Variants in SMCHD1 observed in about 807,000 individuals in gnomAD.
SMCHD1 encodes the protein structural maintenance of chromosomes flexible hinge domain containing 1.
Under a neutral mutation model 254.7 loss-of-function variants are expected in SMCHD1, and 78 were observed. That is an observed-to-expected ratio of 0.31 (90% CI 0.26 to 0.37). The LOEUF is 0.37. Ranked by LOEUF, SMCHD1 falls within the 10% of genes least tolerant of loss-of-function variation. SMCHD1 has a pLI of 1.00. For missense variants in SMCHD1, 1,840 were observed against 2,408.1 expected (o/e 0.76, Z 4.94); for synonymous variants, 766 against 794.9 (o/e 0.96, Z 0.61).
intron 24 of SMCHD1, among the ~76,000 whole-genome samples, chr18:2,731,049 A>C (rs531827938): frequency 6.6e-6 from 1 of 152,348 alleles, no homozygotes; most frequent in East Asian, 1.9e-4. Flanking sequence ...AACAAATGCC[A>C]ACGTAAATCC....
chr18:2,798,907 T>C (rs1776102056), intron 47 of SMCHD1, among the ~76,000 whole-genome samples: 1 of 152,220 alleles, frequency 6.6e-6, no homozygotes, highest in South Asian at 2.1e-4. Flanking sequence ...TGCCACAGTC[T>C]CAGCACTAAA....
chr18:2,785,150 TC>T, intron 45 of SMCHD1, among the ~76,000 whole-genome samples: 1 of 152,086 alleles, frequency 6.6e-6, no homozygotes, highest in Non-Finnish European at 1.5e-5. Context: ...AATATAATTG[TC>T]CCTGCACGTC....
chr18:2,789,081 A>G (rs879555353), intron 45 of SMCHD1, among the ~76,000 whole-genome samples: 20 of 152,138 alleles, frequency 1.3e-4, no homozygotes, highest in Admixed American at 2.6e-4. Flanking sequence ...GTGCAGTGGC[A>G]CAATCATGGC....
At chr18:2,747,923 T>A (rs2075487201) in intron 30 of SMCHD1, among the ~76,000 whole-genome samples, 1 of 152,122 alleles carries the variant, frequency 6.6e-6, no homozygotes, top group Non-Finnish European at 1.5e-5. Flanking sequence ...CAGATTAGGA[T>A]GAATAAATAG....
At chr18:2,737,342 G>A (rs959309423) in intron 25 of SMCHD1, among the ~76,000 whole-genome samples, 7 of 152,196 alleles carry the variant, frequency 4.6e-5, no homozygotes, top group African/African-American at 1.4e-4. Flanking sequence ...ATTTATCCAT[G>A]TAACAAACTT....
At chr18:2,711,479 G>GTA in intron 17 of SMCHD1, among the ~76,000 whole-genome samples, 1 of 103,822 alleles carries the variant, frequency 9.6e-6, no homozygotes, top group Admixed American at 1.0e-4. Context: ...TTGGATGTTT[G>GTA]TCTTTTTTTT....
In SMCHD1 at chr18:2,718,641, C is replaced by T. The variant is rs188173426; in HGVS notation, c.2458+207C>T. 4.6e-3 allele frequency among the ~76,000 whole-genome samples: 703 copies of T among 152,200 alleles called. 2 individuals are homozygous for T. Among genetic ancestry groups the T allele is most frequent in the African/African-American group, 0.016 (654 of 41,504 alleles). ...CACAATCTCGGCTCACTGCAACCTC[C>T]GCTTCCTGGGTTCAAGTGATTTTCC... On this transcript the variant is annotated intron_variant, in intron 19 of 47. Transcript: ENST00000320876. This position sits in a 1 kb window ranked among gnomAD's most constrained non-coding sequence, Gnocchi z 4.6.
intron 7 of SMCHD1, among the ~76,000 whole-genome samples, chr18:2,689,308 CCCAGGTTCAAGATATTCT>C (rs943674844): frequency 6.7e-6 from 1 of 149,570 alleles, no homozygotes; most frequent in African/African-American, 2.5e-5. Flanking sequence ...ACCTCCACCT[CCCAGGTTCAAGATATTCT>C]CCTGCCTCAG....
chr18:2,757,219 T>C (rs1334586580), intron 34 of SMCHD1, among the ~76,000 whole-genome samples: 2 of 152,188 alleles, frequency 1.3e-5, no homozygotes, highest in African/African-American at 4.8e-5. Context: ...TTTTTCTTTT[T>C]TCTTTTTTTG....
At chr18:2,781,407 G>A (rs925005531) in intron 44 of SMCHD1, among the ~76,000 whole-genome samples, 10 of 152,212 alleles carry the variant, frequency 6.6e-5, no homozygotes, top group African/African-American at 2.4e-4. Flanking sequence ...TTGGTTTCAT[G>A]TGCTGGACTA....
At chr18:2,763,868 T>A in intron 37 of SMCHD1, 79 bp downstream of exon 37, 4 of 1,307,320 alleles carry the variant, frequency 3.1e-6, no homozygotes, top group Non-Finnish European at 4.3e-6. Flanking sequence ...ACCTTTTCTT[T>A]TGTATAGCTA....
chr18:2,771,548 C>A lies in SMCHD1; in HGVS notation c.4982C>A (p.Ala1661Glu). Reference sequence around the variant, plus strand: ...TTTATTTTAGGTCAAGTTGAAGAAGCAAGATTAAAAGAGGCCCAATTGCGA... The same window carrying A: ...TTTATTTTAGGTCAAGTTGAAGAAGAAAGATTAAAAGAGGCCCAATTGCGA... The part of the protein sequence containing the change: ...LNEMKCQVEE[A>E]RLKEAQLRNE... Residue 1661 changes from alanine to glutamate, a missense_variant, in exon 40 of 48, where the codon GCA becomes GAA. This residue lies in a region of SMCHD1 where 881 missense variants were observed against 1,009.5 expected (regional missense o/e 0.87). Transcript: ENST00000320876. 1 of 1,564,010 alleles carries A rather than the reference C, an allele frequency of 6.4e-7. No homozygotes were observed. Among genetic ancestry groups the A allele is most frequent in the Non-Finnish European group, 8.6e-7 (1 of 1,165,752 alleles).
chr18:2,795,591 C>G (rs2143859278), intron 45 of SMCHD1, among the ~76,000 whole-genome samples: 1 of 152,238 alleles, frequency 6.6e-6, no homozygotes. Context: ...ATGTATTTGC[C>G]TTCTCCCTGC....
At chr18:2,789,366 A>G (rs1161743000) in intron 45 of SMCHD1, among the ~76,000 whole-genome samples, 1 of 152,192 alleles carries the variant, frequency 6.6e-6, no homozygotes, top group Non-Finnish European at 1.5e-5. Context: ...CAAGTAAAAC[A>G]TAGAAATGTT....
rs1440415448 is a variant in SMCHD1 at position 2,655,798 on chromosome 18, G to C, written c.-278G>C. The C allele has an allele frequency of 6.7e-6, 2 of 299,480 alleles. No homozygotes were observed. Among genetic ancestry groups the C allele is most frequent in the Non-Finnish European group, 1.2e-5 (2 of 163,108 alleles). The allele number at this position is 299,480 out of a possible 1,614,324, so 18.6% of individuals were successfully genotyped here. A position where few individuals can be genotyped will look rare whatever the true frequency, so the allele number is the denominator to read the frequency against. ...GTGGGCGGCGATAGGCGCTGGGCCC[G>C]GGCCCGGTGAGGAGCGCGCCGCGCG... is the stretch of plus-strand genomic sequence containing the variant. On this transcript the variant is annotated 5_prime_UTR_variant, in exon 1 of 48. Coordinates refer to ENST00000320876, the MANE Select transcript of SMCHD1 (RefSeq NM_015295.3).
intron 30 of SMCHD1, among the ~76,000 whole-genome samples, chr18:2,749,627 G>A (rs1249782292): frequency 6.6e-6 from 1 of 152,202 alleles, no homozygotes; most frequent in Non-Finnish European, 1.5e-5. Flanking sequence ...AATGAAGAAT[G>A]AAGATAGTGC....
At chr18:2,687,953 T>C (rs1432474138) in intron 5 of SMCHD1, among the ~76,000 whole-genome samples, 1 of 152,206 alleles carries the variant, frequency 6.6e-6, no homozygotes, top group Non-Finnish European at 1.5e-5. Context: ...AATATTGTTA[T>C]GGTGCACTGT....
At chr18:2,775,637 A>G in intron 41 of SMCHD1, 97 bp from the exon 42 acceptor site, 1 of 901,138 alleles carries the variant, frequency 1.1e-6, no homozygotes, top group Non-Finnish European at 1.6e-6. Context: ...CATGTGTTTC[A>G]GAGAAGTTTT....
intron 12 of SMCHD1, among the ~76,000 whole-genome samples, chr18:2,701,470 A>G (rs965166981): frequency 6.6e-6 from 1 of 152,128 alleles, no homozygotes; most frequent in Admixed American, 6.6e-5. Context: ...CAAGATCTTA[A>G]TATCTAGCCC....
Sources: allele counts gnomAD v4.1 joint callset (sites outside exome capture counted in the v4.1 genomes callset), GRCh38; gene constraint gnomAD v4.1.1; regional missense constraint gnomAD v4.1.1; non-coding constraint Gnocchi (gnomAD v3.1); transcripts MANE v1.5; gene names NCBI Gene and HGNC (gene_info 2026-07-23, HGNC 2026-07-21).